Variants in LOX observed in about 807,000 individuals in gnomAD.
The protein encoded by LOX is protein-lysine 6-oxidase.
In LOX, 12 loss-of-function variants were observed where a neutral mutation model predicts 50.5. The observed-to-expected ratio is 0.24, with a 90% CI of 0.15 to 0.38. The LOEUF (loss-of-function observed/expected upper bound fraction) is 0.38, where lower values mean the gene tolerates loss of function less well. LOX is among the 10% of genes least tolerant of loss of function. The pLI, the probability that LOX is intolerant of heterozygous loss-of-function variation, is 1.00. For missense variants in LOX, 504 were observed against 563.8 expected (o/e 0.89, Z 1.07); for synonymous variants, 254 against 230.6 (o/e 1.10, Z -0.92).
Position 122,077,545 on chromosome 5 carries a change from C to T in LOX, c.441G>A (p.Ala147=), listed in dbSNP as rs1250225386. 4 of 1,613,534 alleles carry T rather than the reference C, an allele frequency of 2.5e-6. No individual in the cohort carries two copies. The highest frequency in any genetic ancestry group is 1.1e-5 in the South Asian group (1 of 91,076). ...AGASRAENQT[A]PGEVPALSNL... ...TACTGAGCGCAGGAACTTCTCCCGG[C>T]GCTGTCTGGTTCTCCGCGCGCGAGG... The change falls in exon 1 of 7, where the codon GCG becomes GCA. Residue 147 remains alanine, a synonymous_variant. Transcript: ENST00000231004. This position sits in a 1 kb window ranked among gnomAD's most constrained non-coding sequence, Gnocchi z 4.9.
Position 122,077,429 on chromosome 5 carries a change from T to C in LOX, c.557A>G (p.Tyr186Cys), listed in dbSNP as rs771805082. 6.2e-7 allele frequency: 1 copy of C among 1,613,976 alleles called. No individual in the cohort carries two copies. The highest frequency in any genetic ancestry group is 1.1e-5 in the South Asian group (1 of 91,076). Residue 186 changes from tyrosine (Y) to cysteine (C), a missense_variant, in exon 1 of 7, where the codon TAC (tyrosine) becomes TGC (cysteine). Transcript: ENST00000231004. The surrounding 1 kb of genome is among the most constrained non-coding windows in gnomAD (Gnocchi z 4.9). ...TCTGGGCCTTTCATAAGTATCGTAG[T>C]AGTTGTAATAAGGGTTGTCGTCAGA... ...KYSDDNPYYN[Y>C]YDTYERPRPG...
intron 6 of LOX, among the ~76,000 whole-genome samples, chr5:122,068,932 C>T (rs568888196): frequency 6.6e-6 from 1 of 151,996 alleles, no homozygotes; most frequent in South Asian, 2.1e-4. Flanking sequence ...GGTGTTCTGG[C>T]GGTGGGGGTC....
rs761344933 is a variant in LOX at position 122,078,006 on chromosome 5, C to G, written c.-21G>C. The G allele has an allele frequency of 6.9e-7, 1 of 1,441,378 alleles. No individual in the cohort carries two copies. The highest frequency in any genetic ancestry group is 2.9e-5 in the Admixed American group (1 of 34,672). The allele number at this position is 1,441,378 out of a possible 1,614,324, so 89.3% of individuals were successfully genotyped here. On this transcript the variant is annotated 5_prime_UTR_variant, in exon 1 of 7. Transcript: ENST00000231004. The stretch of plus-strand genomic sequence containing the variant: ...CGCATCACTCCTTTTGCCAGATTGA[C>G]CCCGCTCGAGGAGGACGTGGCTCAC...
At chr5:122,070,016 G>T (rs780488416) in intron 6 of LOX, 37 bp downstream of exon 6, 2 of 1,416,938 alleles carry the variant, frequency 1.4e-6, no homozygotes, top group Non-Finnish European at 2.0e-6. Flanking sequence ...AAAATTATTT[G>T]TGACAACAAT....
rs1416689283 is a variant in LOX at position 122,063,229 on chromosome 5, A to G, written c.*3514T>C. On this transcript the variant is annotated 3_prime_UTR_variant, in exon 7 of 7. Transcript: ENST00000231004. The stretch of plus-strand genomic sequence containing the variant: ...AATCATTTATTCAAGGCATTTTTAT[A>G]TAATCTTGCAATCATAGTATAGATG... 1 of 151,990 alleles carries G rather than the reference A, an allele frequency of 6.6e-6. No individual in the cohort carries two copies. The highest frequency in any genetic ancestry group is 6.6e-5 in the Admixed American group (1 of 15,218). The allele number at this position is 151,990 out of a possible 1,614,324, so 9.4% of individuals were successfully genotyped here. A position where few individuals can be genotyped will look rare whatever the true frequency, so the allele number is the denominator to read the frequency against.
At chr5:122,075,298 C>A in intron 3 of LOX, 106 bp downstream of exon 3, 2 of 995,430 alleles carry the variant, frequency 2.0e-6, no homozygotes, top group Admixed American at 2.6e-5. Context: ...TAAGTAATAG[C>A]AATTTTCTCC....
intron 3 of LOX, 92 bp from the exon 4 acceptor site, chr5:122,074,261 T>G (rs1754549555): frequency 1.8e-6 from 2 of 1,130,226 alleles, no homozygotes; most frequent in South Asian, 3.3e-5. Context: ...CTTCACAAAT[T>G]TGTTTTCACA....
rs1000647921 is a variant in LOX, at chr5:122,074,107, C to G, written c.941G>C (p.Arg314Thr). The stretch of plus-strand genomic sequence containing the variant: ...ACTTGCTTTGTGGCCTTCAGCCACT[C>G]TCCTCTGGGTGTTGGCATCAAGCAG... ...YDLLDANTQR[R>T]VAEGHKASFC... Residue 314 changes from arginine (R) to threonine (T), a missense_variant, in exon 4 of 7, where the codon AGA (arginine) becomes ACA (threonine). By Grantham distance (71) the Arg-to-Thr change is moderately conservative (BLOSUM62 -1). This residue lies in a region of LOX where 106 missense variants were observed against 198.1 expected (regional missense o/e 0.54). Coordinates refer to ENST00000231004, the MANE Select transcript of LOX (RefSeq NM_002317.7). The G allele has an allele frequency of 6.2e-7, 1 of 1,613,806 alleles. No individual in the cohort carries two copies. The highest frequency in any genetic ancestry group is 8.5e-7 in the Non-Finnish European group (1 of 1,179,834).
Position 122,077,968 on chromosome 5 carries a change from G to C in LOX, c.18C>G (p.Thr6=), listed in dbSNP as rs570529743. Residue 6 remains threonine (T), a synonymous_variant, in exon 1 of 7, where the codon ACC becomes ACG. Transcript: ENST00000231004. This position sits in a 1 kb window ranked among gnomAD's most constrained non-coding sequence, Gnocchi z 4.9. The part of the protein sequence containing the change: MRFAW[T]VLLLGPLQLC... ...GCTGCAAAGGCCCGAGCAGGAGCAC[G>C]GTCCAGGCGAAGCGCATCACTCCTT... 2.0e-6 allele frequency: 3 copies of C among 1,464,694 alleles called. No individual in the cohort carries two copies. Among genetic ancestry groups the C allele is most frequent in the African/African-American group, 3.0e-5 (2 of 67,270 alleles). The allele number at this position is 1,464,694 out of a possible 1,614,324, so 90.7% of individuals were successfully genotyped here. A position where few individuals can be genotyped will look rare whatever the true frequency, so the allele number is the denominator to read the frequency against.
At position 122,078,008 on chromosome 5, in the gene LOX, C is replaced by A. The variant is rs201930361; in HGVS notation, c.-23G>T. 1 of 1,439,932 alleles carries A rather than the reference C, an allele frequency of 6.9e-7. No homozygotes were observed. The highest frequency in any genetic ancestry group is 9.1e-7 in the Non-Finnish European group (1 of 1,098,360). 89.2% of individuals were successfully genotyped at this position (1,439,932 alleles called of 1,614,324 possible). On this transcript the variant is annotated 5_prime_UTR_variant, in exon 1 of 7. Coordinates refer to ENST00000231004, the MANE Select transcript of LOX (RefSeq NM_002317.7). The stretch of plus-strand genomic sequence containing the variant: ...CATCACTCCTTTTGCCAGATTGACC[C>A]CGCTCGAGGAGGACGTGGCTCACAG...
At position 122,076,894 on chromosome 5, in the gene LOX, T is replaced by G. The variant is rs2152590924; in HGVS notation, c.739A>C (p.Ser247Arg). 6 of 1,613,978 alleles carry G rather than the reference T, an allele frequency of 3.7e-6. No homozygotes were observed. Among genetic ancestry groups the G allele is most frequent in the Non-Finnish European group, 5.1e-6 (6 of 1,179,974 alleles). Residue 247 changes from serine to arginine, a missense_variant and splice_region_variant, in exon 2 of 7, where the codon AGT (serine) becomes CGT (arginine). Ser to Arg is a moderately radical substitution (Grantham distance 110). Coordinates refer to ENST00000231004, the MANE Select transcript of LOX (RefSeq NM_002317.7). ...RCAAEENCLA[S>R]TAYRADVRDY... ...GGCCTCAGACATATCAGCCCGTACC[T>G]GGCCAGACAGTTTTCCTCCGCCGCG...
chr5:122,078,244 A>G lies in LOX; in HGVS notation c.-259T>C. The G allele has an allele frequency of 2.5e-6, 1 of 403,116 alleles. No individual in the cohort carries two copies. Among genetic ancestry groups the G allele is most frequent in the Middle Eastern group, 6.2e-4 (1 of 1,624 alleles). 25.0% of individuals were successfully genotyped at this position (403,116 alleles called of 1,614,324 possible). A position where few individuals can be genotyped will look rare whatever the true frequency, so the allele number is the denominator to read the frequency against. On this transcript the variant is annotated 5_prime_UTR_variant, in exon 1 of 7. Transcript: ENST00000231004. Reference sequence around the variant, plus strand: ...ACGGGGAGCGGCGCGGCAGTCCCGGAGAGCGGGCAGTGTCTGGAGTGAAGG... The same window carrying G: ...ACGGGGAGCGGCGCGGCAGTCCCGGGGAGCGGGCAGTGTCTGGAGTGAAGG...
Position 122,063,370 on chromosome 5 carries a change from G to A in LOX, c.*3373C>T, listed in dbSNP as rs983946191. The A allele has an allele frequency of 3.3e-5, 5 of 151,814 alleles. No homozygotes were observed. The highest frequency in any genetic ancestry group is 6.6e-5 in the Admixed American group (1 of 15,204). The allele number at this position is 151,814 out of a possible 1,614,324, so 9.4% of individuals were successfully genotyped here. A position where few individuals can be genotyped will look rare whatever the true frequency, so the allele number is the denominator to read the frequency against. ...TACAAATAACATTCCTGAAAAATTT[G>A]GGAGAAGCTAAAACTTCACTAAAAA... is the stretch of plus-strand genomic sequence containing the variant. On this transcript the variant is annotated 3_prime_UTR_variant, in exon 7 of 7. Coordinates refer to ENST00000231004, the MANE Select transcript of LOX (RefSeq NM_002317.7).
chr5:122,074,321 T>G (rs1306659140), intron 3 of LOX, 152 bp from the exon 4 acceptor site: 2 of 621,440 alleles, frequency 3.2e-6, no homozygotes, highest in African/African-American at 1.8e-5. Context: ...CATGCTAGGG[T>G]TTTTTTTTCC....
intron 6 of LOX, 29 bp downstream of exon 6, chr5:122,070,024 A>C: frequency 6.8e-7 from 1 of 1,469,300 alleles, no homozygotes; most frequent in Non-Finnish European, 9.5e-7. Flanking sequence ...TTGTGACAAC[A>C]ATTACTTAGC....
chr5:122,067,335 A>G (rs1447194358), intron 6 of LOX, among the ~76,000 whole-genome samples: 1 of 152,150 alleles, frequency 6.6e-6, no homozygotes, highest in Admixed American at 6.6e-5. Context: ...GTATCTTATA[A>G]CTGAAAGAAG....
At position 122,077,773 on chromosome 5, in the gene LOX, G is replaced by A. The variant is rs747652187; in HGVS notation, c.213C>T (p.Asp71=). ...GSQYQPQRRR[D]PGAAVPGAAN... ...CTGCACCAGGGACGGCGGCGCCCGG[G>A]TCCCGGCGGCGCTGAGGCTGGTACT... The change falls in exon 1 of 7, where the codon GAC becomes GAT. Residue 71 remains aspartate, a synonymous_variant. Transcript: ENST00000231004. This position sits in a 1 kb window ranked among gnomAD's most constrained non-coding sequence, Gnocchi z 4.9. 8 of 1,549,540 alleles carry A rather than the reference G, an allele frequency of 5.2e-6. No homozygotes were observed. The highest frequency in any genetic ancestry group is 2.4e-5 in the South Asian group (2 of 85,048).
chr5:122,066,837 A>C, intron 6 of LOX, 88 bp from the exon 7 acceptor site: 1 of 837,300 alleles, frequency 1.2e-6, no homozygotes, highest in East Asian at 2.4e-5. Context: ...CAACCTTTTA[A>C]AAACTTTATG....
intron 2 of LOX, 117 bp downstream of exon 2, chr5:122,076,776 G>C: frequency 1.2e-6 from 1 of 818,128 alleles, no homozygotes. Flanking sequence ...CCACTTCCCA[G>C]CTCTTGTCCC....
Sources: gnomAD v4.1 joint callset for allele counts (sites outside exome capture counted in the v4.1 genomes callset) on GRCh38, gnomAD v4.1.1 for gene constraint, gnomAD v4.1.1 regional missense constraint, Gnocchi (gnomAD v3.1) non-coding constraint, MANE v1.5 for transcripts, NCBI Gene and HGNC (gene_info 2026-07-23, HGNC 2026-07-21) for gene names.